The following CNTN5 variants were observed in gnomAD, a reference collection of about 807,000 sequenced individuals.
CNTN5 encodes contactin-5.
In CNTN5, 77 loss-of-function variants were observed where a neutral mutation model predicts 129.1. The ratio of observed to expected loss-of-function variants is 0.60; its 90% CI spans 0.50 to 0.72. CNTN5 has a LOEUF of 0.72. Among genes scored for constraint, CNTN5 ranks in the 30% least tolerant of loss-of-function variants. CNTN5 has a pLI of 0.00. For synonymous variants in CNTN5, 509 were observed against 465.6 expected (o/e 1.09, Z -1.20); for missense variants, 1,478 against 1,328.8 (o/e 1.11, Z -1.75).
At chr11:99,414,459 G>GAATGTAGAATATATATAGAATATA (rs1328471035) in intron 2 of CNTN5, among the ~76,000 whole-genome samples, 4 of 151,112 alleles carry the variant, frequency 2.6e-5, no homozygotes, top group African/African-American at 9.7e-5. Context: ...ATGTGTGTAT[G>GAATGTAGAATATATATAGAATATA]TATGCAGAAT....
chr11:99,475,956 C>T (rs1945354322), intron 2 of CNTN5, among the ~76,000 whole-genome samples: 2 of 151,968 alleles, frequency 1.3e-5, no homozygotes, highest in Admixed American at 6.6e-5. Flanking sequence ...TTTATTCTGC[C>T]ACCAGGCTTC....
Position 100,342,141 on chromosome 11 carries a change from G to T in CNTN5, c.3030+936G>T, listed in dbSNP as rs893122967. Among the ~76,000 whole-genome samples the T allele has an allele frequency of 2.0e-4, 20 of 100,214 alleles. 1 individual carries two copies. Among genetic ancestry groups the T allele is most frequent in the Admixed American group, 1.2e-3 (11 of 8,854 alleles). 65.7% of individuals were successfully genotyped at this position (100,214 alleles called of 152,430 possible). On this transcript the variant is annotated intron_variant, in intron 23 of 24. Coordinates refer to ENST00000524871, the MANE Select transcript of CNTN5 (RefSeq NM_014361.4). ...AGCATTTGTTACCTACTGTAATTAG[G>T]ATAGATCACAGACACACACACACAC... is the stretch of plus-strand genomic sequence containing the variant.
chr11:99,805,396 A>AACCGAAAC (rs1207513741), intron 3 of CNTN5, among the ~76,000 whole-genome samples: 3 of 152,190 alleles, frequency 2.0e-5, no homozygotes, highest in Non-Finnish European at 2.9e-5. Context: ...TTTTACAGAA[A>AACCGAAAC]ACCGAAACAA....
chr11:99,535,195 A>G (rs1333135011), intron 2 of CNTN5, among the ~76,000 whole-genome samples: 1 of 152,216 alleles, frequency 6.6e-6, no homozygotes, highest in Non-Finnish European at 1.5e-5. Context: ...GACAAGTGGC[A>G]TTATTGAAAG....
intron 1 of CNTN5, among the ~76,000 whole-genome samples, chr11:99,055,111 A>G (rs1591113663): frequency 6.6e-6 from 1 of 151,988 alleles, no homozygotes; most frequent in South Asian, 2.1e-4. Context: ...CGTGATGCTA[A>G]TGTTACTGAT....
intron 3 of CNTN5, among the ~76,000 whole-genome samples, chr11:99,569,100 T>C (rs1387773138): frequency 6.6e-6 from 1 of 152,022 alleles, no homozygotes; most frequent in Non-Finnish European, 1.5e-5. Context: ...TGGATAAACA[T>C]GGTTTGAAGT....
At chr11:99,898,234 T>C (rs1315524977) in intron 6 of CNTN5, among the ~76,000 whole-genome samples, 1 of 151,884 alleles carries the variant, frequency 6.6e-6, no homozygotes, top group Non-Finnish European at 1.5e-5. Flanking sequence ...CTAAATGAGT[T>C]TGAGGCCAAA....
chr11:100,321,446 T>G (rs991960816), intron 21 of CNTN5, among the ~76,000 whole-genome samples: 37 of 152,060 alleles, frequency 2.4e-4, no homozygotes, highest in Admixed American at 1.4e-3. Context: ...TTCCTAAGAG[T>G]TTTTTGGCAA....
chr11:100,291,820 GA>G (rs1299733133), intron 18 of CNTN5, among the ~76,000 whole-genome samples: 4 of 148,538 alleles, frequency 2.7e-5, no homozygotes, highest in African/African-American at 5.0e-5. Context: ...TTAAAAAAAG[GA>G]AAAATATTTT....
intron 2 of CNTN5, among the ~76,000 whole-genome samples, chr11:99,362,048 C>T (rs1210613787): frequency 2.0e-5 from 3 of 152,064 alleles, no homozygotes; most frequent in African/African-American, 7.2e-5. Context: ...CAAACTGTTT[C>T]CCATAGTGGC....
intron 2 of CNTN5, among the ~76,000 whole-genome samples, chr11:99,334,240 A>G (rs1866124914): frequency 6.6e-6 from 1 of 152,108 alleles, no homozygotes; most frequent in Non-Finnish European, 1.5e-5. Context: ...ATAGAATGTG[A>G]GAAGATAGAT....
chr11:99,898,775 T>C (rs1949275761), intron 6 of CNTN5, among the ~76,000 whole-genome samples: 2 of 152,136 alleles, frequency 1.3e-5, no homozygotes, highest in Admixed American at 1.3e-4. Flanking sequence ...AATGATTCTC[T>C]GAGTTTAGCA....
chr11:99,615,968 T>G (rs1420670904), intron 3 of CNTN5, among the ~76,000 whole-genome samples: 1 of 152,070 alleles, frequency 6.6e-6, no homozygotes, highest in African/African-American at 2.4e-5. Context: ...ACTCCTGGGC[T>G]CAAGTAATTT....
At chr11:99,326,808 A>G (rs1865804936) in intron 2 of CNTN5, among the ~76,000 whole-genome samples, 1 of 152,164 alleles carries the variant, frequency 6.6e-6, no homozygotes, top group Non-Finnish European at 1.5e-5. Context: ...AAATCATGGG[A>G]AAAAATTGAG....
chr11:100,039,857 G>GT (rs1942269451), intron 9 of CNTN5, among the ~76,000 whole-genome samples: 1 of 152,022 alleles, frequency 6.6e-6, no homozygotes, highest in Non-Finnish European at 1.5e-5. Flanking sequence ...GGTTATCCTG[G>GT]TTATCCATTC....
intron 2 of CNTN5, among the ~76,000 whole-genome samples, chr11:99,359,602 T>C (rs2134948): frequency 0.5 from 74,078 of 148,232 alleles, 18,503 homozygotes; most frequent in South Asian, 0.59. Flanking sequence ...AAAAATATAT[T>C]ATATATGAAT....
intron 2 of CNTN5, among the ~76,000 whole-genome samples, chr11:99,507,058 G>T (rs961795306): frequency 6.6e-6 from 1 of 151,942 alleles, no homozygotes; most frequent in African/African-American, 2.4e-5. Flanking sequence ...AAAGTGTATT[G>T]TACCTATGAC....
intron 3 of CNTN5, among the ~76,000 whole-genome samples, chr11:99,656,380 A>G (rs1190476433): frequency 1.3e-5 from 2 of 152,120 alleles, no homozygotes; most frequent in Non-Finnish European, 2.9e-5. Context: ...CACAAAGTAG[A>G]AACTGTTGGA....
intron 2 of CNTN5, among the ~76,000 whole-genome samples, chr11:99,460,891 A>G (rs1333496479): frequency 6.6e-6 from 1 of 152,058 alleles, no homozygotes; most frequent in African/African-American, 2.4e-5. Context: ...GTCTTCATTC[A>G]AGAAAAAATC....
Sources: allele counts gnomAD v4.1 joint callset (sites outside exome capture counted in the v4.1 genomes callset), GRCh38; gene constraint gnomAD v4.1.1; transcripts MANE v1.5; gene names NCBI Gene and HGNC (gene_info 2026-07-23, HGNC 2026-07-21).